The following ARRB1 variants were observed in gnomAD, a reference collection of about 807,000 sequenced individuals.
ARRB1 encodes the protein beta-arrestin-1.
Under a neutral mutation model 56.8 loss-of-function variants are expected in ARRB1, and 21 were observed. That is an observed-to-expected ratio of 0.37 (90% CI 0.26 to 0.53). ARRB1 has a LOEUF of 0.53. Ranked by LOEUF, ARRB1 falls within the 20% of genes least tolerant of loss-of-function variation. The pLI, the probability that ARRB1 is intolerant of heterozygous loss-of-function variation, is 0.88. For synonymous variants in ARRB1, 210 were observed against 218.6 expected, an observed-to-expected ratio of 0.96 and a Z score of 0.35; for missense variants, 424 against 553.7, an observed-to-expected ratio of 0.77 and a Z score of 2.35.
intron 1 of ARRB1, among the ~76,000 whole-genome samples, chr11:75,296,675 A>T (rs920424377): frequency 6.6e-6 from 1 of 151,710 alleles, no homozygotes; most frequent in Non-Finnish European, 1.5e-5. Context: ...TAAACAAGGA[A>T]TTTTTTTTCC....
At chr11:75,268,866 A>G in intron 14 of ARRB1, 23 bp downstream of exon 14, 1 of 1,606,278 alleles carries the variant, frequency 6.2e-7, no homozygotes, top group South Asian at 1.1e-5. Flanking sequence ...CCCCTACCCC[A>G]GAGACCTACA....
At chr11:75,333,049 C>T (rs1214368168) in intron 1 of ARRB1, among the ~76,000 whole-genome samples, 14 of 152,192 alleles carry the variant, frequency 9.2e-5, no homozygotes, top group Admixed American at 5.9e-4. Flanking sequence ...AGTTGTACCC[C>T]GACCACCTTG....
chr11:75,292,108 T>G (rs1352377512), intron 1 of ARRB1, among the ~76,000 whole-genome samples: 1 of 151,544 alleles, frequency 6.6e-6, no homozygotes, highest in Admixed American at 6.6e-5. Flanking sequence ...CTGGGAGCCC[T>G]GGGCTTTTCT....
intron 1 of ARRB1, among the ~76,000 whole-genome samples, chr11:75,295,043 G>A (rs1442416191): frequency 6.6e-6 from 1 of 151,870 alleles, no homozygotes; most frequent in East Asian, 1.9e-4. Flanking sequence ...GGGCAACATG[G>A]TGAAACCCCA....
intron 2 of ARRB1, among the ~76,000 whole-genome samples, chr11:75,288,616 C>T (rs1035818587): frequency 7.5e-6 from 1 of 133,562 alleles, no homozygotes; most frequent in Admixed American, 7.4e-5. Flanking sequence ...GCAAATCTTT[C>T]TTTTTTTTTT....
intron 1 of ARRB1, among the ~76,000 whole-genome samples, chr11:75,292,525 A>C (rs1005473706): frequency 6.6e-6 from 1 of 152,200 alleles, no homozygotes; most frequent in Non-Finnish European, 1.5e-5. Context: ...GTGAGGAAAA[A>C]TACAGATCAC....
chr11:75,317,145 C>T (rs944436664), intron 1 of ARRB1, among the ~76,000 whole-genome samples: 1 of 152,176 alleles, frequency 6.6e-6, no homozygotes, highest in Non-Finnish European at 1.5e-5. Context: ...TAACTTGTGG[C>T]ACTGGCTGGC....
At chr11:75,321,752 C>T (rs1343374534) in intron 1 of ARRB1, among the ~76,000 whole-genome samples, 1 of 152,136 alleles carries the variant, frequency 6.6e-6, no homozygotes, top group African/African-American at 2.4e-5. Flanking sequence ...GTGTCTGGCA[C>T]CTAGTAATAC....
intron 1 of ARRB1, among the ~76,000 whole-genome samples, chr11:75,294,274 T>TTCATGCCTGTAATCCCAGCACTTTGGGA (rs1443657940): frequency 8.5e-5 from 13 of 152,088 alleles, no homozygotes; most frequent in African/African-American, 3.1e-4. Flanking sequence ...GGCATGGTGG[T>TTCATGCCTGTAATCCCAGCACTTTGGGA]TCATGCCTGT....
intron 1 of ARRB1, among the ~76,000 whole-genome samples, chr11:75,312,641 T>C (rs1366862333): frequency 6.6e-6 from 1 of 151,988 alleles, no homozygotes; most frequent in Non-Finnish European, 1.5e-5. Flanking sequence ...GGCCTTGAGA[T>C]GGAGAGATTA....
At chr11:75,302,146 AGGGCACAG>A (rs1946919836) in intron 1 of ARRB1, among the ~76,000 whole-genome samples, 1 of 152,016 alleles carries the variant, frequency 6.6e-6, no homozygotes, top group African/African-American at 2.4e-5. Context: ...CATAGCTCCC[AGGGCACAG>A]GGCAGTGCCT....
At chr11:75,305,620 G>A (rs2140471931) in intron 1 of ARRB1, among the ~76,000 whole-genome samples, 1 of 152,262 alleles carries the variant, frequency 6.6e-6, no homozygotes, top group East Asian at 1.9e-4. Flanking sequence ...ACTGTTGGGT[G>A]TAACCCTAAG....
At chr11:75,268,291 G>A (rs1945983159) in intron 14 of ARRB1, among the ~76,000 whole-genome samples, 1 of 152,022 alleles carries the variant, frequency 6.6e-6, no homozygotes, top group African/African-American at 2.4e-5. Flanking sequence ...GATCACCTGA[G>A]GTCAGGAGTT....
At chr11:75,312,490 T>C (rs906930623) in intron 1 of ARRB1, among the ~76,000 whole-genome samples, 2 of 152,222 alleles carry the variant, frequency 1.3e-5, no homozygotes, top group African/African-American at 4.8e-5. Flanking sequence ...CATTGTCTCA[T>C]GTCATCCTCA....
intron 11 of ARRB1, 85 bp downstream of exon 11, chr11:75,273,989 T>C: frequency 6.3e-7 from 1 of 1,591,488 alleles, no homozygotes; most frequent in South Asian, 1.1e-5. Context: ...CTGAGCCTTG[T>C]CTTTGAACTG....
chr11:75,272,659 G>A (rs1946096326), intron 12 of ARRB1: 1 of 536,390 alleles, frequency 1.9e-6, no homozygotes, highest in Admixed American at 3.1e-5. Flanking sequence ...GAGGAGGAGA[G>A]AGAGAAAGAG....
At chr11:75,334,866 C>T (rs567550681) in intron 1 of ARRB1, among the ~76,000 whole-genome samples, 3 of 151,820 alleles carry the variant, frequency 2.0e-5, no homozygotes, top group East Asian at 1.9e-4. Context: ...CTAGCCCAAA[C>T]GAAAACTTGC....
chr11:75,290,139 G>T, intron 1 of ARRB1, 100 bp from the exon 2 acceptor site: 1 of 1,420,366 alleles, frequency 7.0e-7, no homozygotes, highest in Non-Finnish European at 9.8e-7. Flanking sequence ...CAGGGCTGGA[G>T]TGACTGACAG....
intron 1 of ARRB1, among the ~76,000 whole-genome samples, chr11:75,314,492 G>C (rs867427890): frequency 3.3e-5 from 5 of 152,230 alleles, no homozygotes; most frequent in Admixed American, 6.5e-5. Context: ...GGCAGGACTT[G>C]CTGCAGGCCC....
Sources: allele counts gnomAD v4.1 joint callset (sites outside exome capture counted in the v4.1 genomes callset), GRCh38; gene constraint gnomAD v4.1.1; transcripts MANE v1.5; gene names NCBI Gene and HGNC (gene_info 2026-07-23, HGNC 2026-07-21).